TPRG1: variants seen among roughly 807,000 people sequenced by gnomAD.
The protein encoded by TPRG1 is tumor protein p63 regulated 1.
TPRG1 carries 29 observed loss-of-function variants against 29.3 expected under a neutral mutation model. The ratio of observed to expected loss-of-function variants is 0.99; its 90% CI spans 0.74 to 1.35. TPRG1 has a LOEUF of 1.35. Among genes scored for constraint, TPRG1 ranks in the 40% most tolerant of loss-of-function variants. The pLI, the probability that TPRG1 is intolerant of heterozygous loss-of-function variation, is 0.00. For missense variants in TPRG1, 327 were observed against 335.0 expected (o/e 0.98, Z 0.19); for synonymous variants, 130 against 116.8 (o/e 1.11, Z -0.73).
intron 1 of TPRG1, among the ~76,000 whole-genome samples, chr3:189,189,350 A>G (rs1731374475): frequency 6.6e-6 from 1 of 152,150 alleles, no homozygotes. Context: ...ATGGTTATAT[A>G]ATATTCTACC....
chr3:189,244,001 C>A (rs1274413074), intron 4 of TPRG1, among the ~76,000 whole-genome samples: 1 of 152,192 alleles, frequency 6.6e-6, no homozygotes, highest in Non-Finnish European at 1.5e-5. Flanking sequence ...CAACCTCTGC[C>A]TGTTACCCAA....
intron 4 of TPRG1, among the ~76,000 whole-genome samples, chr3:189,243,283 C>G (rs1045820705): frequency 2.6e-5 from 4 of 152,114 alleles, no homozygotes; most frequent in Admixed American, 6.6e-5. Context: ...CCAGATCTCA[C>G]TATTGTGAGG....
At chr3:189,303,034 C>T (rs771085875) in intron 4 of TPRG1, among the ~76,000 whole-genome samples, 2 of 152,124 alleles carry the variant, frequency 1.3e-5, no homozygotes, top group Non-Finnish European at 2.9e-5. Flanking sequence ...TAGTCTGACT[C>T]TTCATATACA....
intron 3 of TPRG1, among the ~76,000 whole-genome samples, chr3:189,217,172 T>C (rs1279603021): frequency 6.6e-6 from 1 of 152,218 alleles, no homozygotes; most frequent in Admixed American, 6.5e-5. Flanking sequence ...TGAACTATAT[T>C]GAAGCTTAGC....
intron 4 of TPRG1, among the ~76,000 whole-genome samples, chr3:189,058,665 C>G (rs1232522443): frequency 6.6e-6 from 1 of 152,166 alleles, no homozygotes; most frequent in African/African-American, 2.4e-5. Flanking sequence ...ATTGTTAATG[C>G]TGGTTTCTTA....
At chr3:189,122,297 T>C (rs1418820055) in intron 1 of TPRG1, among the ~76,000 whole-genome samples, 1 of 152,214 alleles carries the variant, frequency 6.6e-6, no homozygotes, top group Non-Finnish European at 1.5e-5. Context: ...GTTTGGAAGG[T>C]CAGAATGATC....
chr3:189,026,516 C>T lies in TPRG1; in HGVS notation c.-463+2570C>T, dbSNP rs149834019. 2.0e-5 allele frequency among the ~76,000 whole-genome samples: 3 copies of T among 152,230 alleles called. No individual in the cohort carries two copies. In the East Asian group the frequency reaches 5.8e-4, roughly 29 times the overall value. On this transcript the variant is annotated intron_variant, in intron 4 of 10. Transcript: ENST00000433971. ...GCTGGGCAGGTGAGGTTTATACTAG[C>T]CCTGGTATTGGGGAAGTTTTTTCTT...
chr3:189,288,576 A>T (rs1718468413), intron 4 of TPRG1, among the ~76,000 whole-genome samples: 1 of 152,220 alleles, frequency 6.6e-6, no homozygotes, highest in Non-Finnish European at 1.5e-5. Flanking sequence ...ATCTCTTCTT[A>T]ACTCCAGCTA....
intron 3 of TPRG1, among the ~76,000 whole-genome samples, chr3:189,138,045 G>C (rs1046949334): frequency 1.3e-5 from 2 of 152,164 alleles, no homozygotes; most frequent in Admixed American, 6.5e-5. Context: ...CTCAAGAGGA[G>C]GGACACATAT....
chr3:189,059,901 C>A (rs1213303814), intron 4 of TPRG1, among the ~76,000 whole-genome samples: 2 of 152,130 alleles, frequency 1.3e-5, no homozygotes, highest in Non-Finnish European at 1.5e-5. Flanking sequence ...TCAATAGATG[C>A]AGAAAAGGCT....
At chr3:189,147,418 A>G (rs748975601) in intron 3 of TPRG1, among the ~76,000 whole-genome samples, 1 of 152,178 alleles carries the variant, frequency 6.6e-6, no homozygotes, top group Non-Finnish European at 1.5e-5. Flanking sequence ...CTGTAGCACT[A>G]CTACACCAGC....
At chr3:189,036,111 T>G (rs1714252625) in intron 4 of TPRG1, among the ~76,000 whole-genome samples, 1 of 152,038 alleles carries the variant, frequency 6.6e-6, no homozygotes, top group South Asian at 2.1e-4. Flanking sequence ...CAAAATCCTG[T>G]CCTTTGCAGC....
Position 189,312,093 on chromosome 3 carries a change from CTTTGTT to C in TPRG1, c.633+1556_633+1561del, listed in dbSNP as rs376353486. On this transcript the variant is annotated intron_variant, in intron 5 of 5. Transcript: ENST00000345063. ...CAGAACACTTTATGTTTCTTTCTTT[CTTTGTT>C]TCTTTGTTTCTTTCTTTGTTTCTTT... Among the ~76,000 whole-genome samples the C allele has an allele frequency of 5.9e-3, 552 of 94,258 alleles. 27 individuals are homozygous for C. Among genetic ancestry groups the C allele is most frequent in the Non-Finnish European group, 6.9e-3 (305 of 44,228 alleles). The allele number at this position is 94,258 out of a possible 152,430, so 61.8% of individuals were successfully genotyped here. A position where few individuals can be genotyped will look rare whatever the true frequency, so the allele number is the denominator to read the frequency against.
chr3:189,057,532 C>A (rs1316250826), intron 4 of TPRG1, among the ~76,000 whole-genome samples: 1 of 147,448 alleles, frequency 6.8e-6, no homozygotes, highest in Non-Finnish European at 1.5e-5. Context: ...TCTGTGGGCT[C>A]TTTTCTACAA....
intron 1 of TPRG1, among the ~76,000 whole-genome samples, chr3:189,205,595 G>A (rs1358604923): frequency 1.3e-5 from 2 of 152,176 alleles, no homozygotes; most frequent in African/African-American, 4.8e-5. Flanking sequence ...CAAGGAAATT[G>A]ATTAAAAACC....
chr3:189,296,453 G>C (rs1433395758), intron 4 of TPRG1, among the ~76,000 whole-genome samples: 1 of 152,196 alleles, frequency 6.6e-6, no homozygotes, highest in East Asian at 1.9e-4. Flanking sequence ...ATTATATAAG[G>C]ATATATATAC....
intron 3 of TPRG1, among the ~76,000 whole-genome samples, chr3:189,145,342 C>T (rs1227361054): frequency 8.3e-6 from 1 of 120,532 alleles, no homozygotes; most frequent in African/African-American, 2.8e-5. Flanking sequence ...AGCCTGGCAA[C>T]AGAGGGAGAC....
At chr3:189,103,394 A>G (rs1238420444) in intron 1 of TPRG1, among the ~76,000 whole-genome samples, 2 of 152,322 alleles carry the variant, frequency 1.3e-5, no homozygotes, top group Middle Eastern at 6.8e-3. Flanking sequence ...CAGAGATGCC[A>G]GACCCTGAGG....
At chr3:189,069,964 C>T (rs1716707687) in intron 4 of TPRG1, among the ~76,000 whole-genome samples, 1 of 152,050 alleles carries the variant, frequency 6.6e-6, no homozygotes. Flanking sequence ...GTCTGTAGTC[C>T]CAGCTACTCG....
Sources: gnomAD v4.1 joint callset for allele counts (sites outside exome capture counted in the v4.1 genomes callset) on GRCh38, gnomAD v4.1.1 for gene constraint, MANE v1.5 for transcripts, NCBI Gene and HGNC (gene_info 2026-07-23, HGNC 2026-07-21) for gene names.